The following NRXN1 variants were observed in gnomAD, a reference collection of about 807,000 sequenced individuals.
NRXN1 encodes neurexin-1.
Under a neutral mutation model 150.9 loss-of-function variants are expected in NRXN1, and 39 were observed. The observed-to-expected ratio is 0.26, with a 90% CI of 0.20 to 0.34. NRXN1 has a LOEUF of 0.34. Among genes scored for constraint, NRXN1 ranks in the 10% least tolerant of loss-of-function variants. The pLI is 1.00. For missense variants in NRXN1, 1,815 were observed against 1,949.9 expected (o/e 0.93, Z 1.30); for synonymous variants, 924 against 757.0 (o/e 1.22, Z -3.62).
chr2:50,541,737 T>C (rs1333623375), intron 9 of NRXN1, among the ~76,000 whole-genome samples: 2 of 151,288 alleles, frequency 1.3e-5, no homozygotes, highest in Non-Finnish European at 2.9e-5. Flanking sequence ...AAACAAATGT[T>C]TAAAAGAAAA....
intron 17 of NRXN1, among the ~76,000 whole-genome samples, chr2:50,280,074 C>T (rs1280829922): frequency 6.6e-6 from 1 of 151,820 alleles, no homozygotes; most frequent in South Asian, 2.1e-4. Flanking sequence ...GTCAAGAAAT[C>T]GAGACCACCC....
Position 51,028,156 on chromosome 2 carries a change from A to G in NRXN1, c.118T>C (p.Trp40Arg). The part of the protein sequence containing the change: ...GLEFPGAEGQ[W>R]TRFPKWNACC... ...GCGTTCCACTTGGGGAAGCGCGTCC[A>G]TTGGCCCTCGGCGCCCGGAAACTCC... The change falls in exon 2 of 23, where the codon TGG (tryptophan) becomes CGG (arginine). Residue 40 changes from tryptophan (W) to arginine (R), a missense_variant. Trp to Arg is a moderately radical substitution (Grantham distance 101). This residue lies in a region of NRXN1 where 554 missense variants were observed against 478.8 expected (regional missense o/e 1.16). Coordinates refer to ENST00000401669, the MANE Select transcript of NRXN1 (RefSeq NM_001330078.2). The G allele has an allele frequency of 1.3e-6, 2 of 1,535,152 alleles. No homozygotes were observed. The highest frequency in any genetic ancestry group is 1.7e-6 in the Non-Finnish European group (2 of 1,144,182).
At chr2:50,831,901 G>C (rs1216718560) in intron 5 of NRXN1, among the ~76,000 whole-genome samples, 1 of 152,180 alleles carries the variant, frequency 6.6e-6, no homozygotes, top group African/African-American at 2.4e-5. Flanking sequence ...CAGAGAAACA[G>C]CGTTCTGAGT....
chr2:50,577,896 T>C (rs774435349), intron 8 of NRXN1, among the ~76,000 whole-genome samples: 2 of 152,164 alleles, frequency 1.3e-5, no homozygotes, highest in Admixed American at 1.3e-4. Context: ...TGCAATAATG[T>C]CATCTAATTA....
At chr2:49,957,994 C>T (rs1253859785) in intron 21 of NRXN1, among the ~76,000 whole-genome samples, 3 of 152,126 alleles carry the variant, frequency 2.0e-5, no homozygotes, top group Admixed American at 6.6e-5. Flanking sequence ...CTATGTCTTA[C>T]TGAAATTTTA....
intron 2 of NRXN1, among the ~76,000 whole-genome samples, chr2:51,020,856 A>G (rs1669492800): frequency 6.6e-6 from 1 of 152,064 alleles, no homozygotes; most frequent in Admixed American, 6.6e-5. Context: ...GGAATCTGAG[A>G]GAGCATGGTA....
intron 13 of NRXN1, among the ~76,000 whole-genome samples, chr2:50,499,174 T>G (rs968513082): frequency 6.6e-6 from 1 of 152,206 alleles, no homozygotes; most frequent in South Asian, 2.1e-4. Context: ...ATATGTTTGC[T>G]TAAGTGACTT....
intron 5 of NRXN1, among the ~76,000 whole-genome samples, chr2:50,880,208 G>T (rs1679220898): frequency 6.6e-6 from 1 of 151,888 alleles, no homozygotes; most frequent in Non-Finnish European, 1.5e-5. Flanking sequence ...GAATTAGAAT[G>T]CTTTGTAAAA....
intron 18 of NRXN1, among the ~76,000 whole-genome samples, chr2:50,176,011 C>A (rs2060332750): frequency 6.6e-6 from 1 of 152,010 alleles, no homozygotes; most frequent in Admixed American, 6.6e-5. Flanking sequence ...AATCCCTAGC[C>A]CCCTAAGCAC....
intron 21 of NRXN1, among the ~76,000 whole-genome samples, chr2:49,955,808 T>G (rs1674833538): frequency 6.6e-6 from 1 of 152,176 alleles, no homozygotes; most frequent in Admixed American, 6.6e-5. Context: ...AGCCATAAGA[T>G]TCACACCAAG....
chr2:50,241,778 C>T (rs2066021603), intron 17 of NRXN1, among the ~76,000 whole-genome samples: 1 of 151,774 alleles, frequency 6.6e-6, no homozygotes, highest in African/African-American at 2.4e-5. Context: ...ATAGGGCTCT[C>T]TCCCTTCTTG....
intron 17 of NRXN1, among the ~76,000 whole-genome samples, chr2:50,395,765 T>A (rs756913653): frequency 1.3e-5 from 2 of 152,082 alleles, no homozygotes; most frequent in South Asian, 4.1e-4. Context: ...AAGACAAAAC[T>A]AAGTGAGTCA....
At chr2:50,553,680 T>C (rs999474773) in intron 8 of NRXN1, among the ~76,000 whole-genome samples, 1 of 152,224 alleles carries the variant, frequency 6.6e-6, no homozygotes, top group African/African-American at 2.4e-5. Context: ...ATGTAGAATA[T>C]GGTGCTTCCC....
At chr2:50,453,742 T>C (rs1222130605) in intron 17 of NRXN1, among the ~76,000 whole-genome samples, 2 of 152,032 alleles carry the variant, frequency 1.3e-5, no homozygotes, top group East Asian at 3.9e-4. Flanking sequence ...AGGGAACACA[T>C]AGAGAATTCT....
At chr2:50,758,392 T>C (rs1701404150) in intron 5 of NRXN1, among the ~76,000 whole-genome samples, 1 of 151,926 alleles carries the variant, frequency 6.6e-6, no homozygotes, top group South Asian at 2.1e-4. Flanking sequence ...ATCTATCACT[T>C]AATGCAATGA....
intron 5 of NRXN1, among the ~76,000 whole-genome samples, chr2:50,835,230 A>T (rs1671946123): frequency 6.6e-6 from 1 of 152,166 alleles, no homozygotes; most frequent in Admixed American, 6.5e-5. Flanking sequence ...CCCAAAAAAA[A>T]TTTAAACTCC....
intron 17 of NRXN1, among the ~76,000 whole-genome samples, chr2:50,359,190 T>C (rs979041551): frequency 2.6e-5 from 4 of 151,808 alleles, no homozygotes; most frequent in African/African-American, 9.7e-5. Context: ...AAAACCAGAA[T>C]TCCTCTTCTC....
At chr2:50,334,053 G>T (rs1238102692) in intron 17 of NRXN1, among the ~76,000 whole-genome samples, 1 of 151,774 alleles carries the variant, frequency 6.6e-6, no homozygotes, top group Non-Finnish European at 1.5e-5. Flanking sequence ...TTGCCTGTGT[G>T]TGTGTGTCTG....
At chr2:50,083,895 AG>A in intron 19 of NRXN1, among the ~76,000 whole-genome samples, 1 of 152,240 alleles carries the variant, frequency 6.6e-6, no homozygotes, top group Admixed American at 6.5e-5. Flanking sequence ...GTAGACATAA[AG>A]GTTCTCCAAG....
Sources: allele counts gnomAD v4.1 joint callset (sites outside exome capture counted in the v4.1 genomes callset), GRCh38; gene constraint gnomAD v4.1.1; regional missense constraint gnomAD v4.1.1; transcripts MANE v1.5; gene names NCBI Gene and HGNC (gene_info 2026-07-23, HGNC 2026-07-21).